The following GRIK2 variants were observed in gnomAD, a reference collection of about 807,000 sequenced individuals.
The protein encoded by GRIK2 is glutamate receptor ionotropic, kainate 2.
In GRIK2, 32 loss-of-function variants were observed where a neutral mutation model predicts 100.3. That is an observed-to-expected ratio of 0.32 (90% confidence interval 0.24 to 0.43). GRIK2 has a LOEUF of 0.43. Among genes scored for constraint, GRIK2 ranks in the 20% least tolerant of loss-of-function variants. The pLI is 1.00. For synonymous variants in GRIK2, 417 were observed against 389.4 expected (o/e 1.07, Z -0.83); for missense variants, 843 against 1,114.9 (o/e 0.76, Z 3.47).
chr6:101,822,817 G>T (rs1172156110), intron 10 of GRIK2, among the ~76,000 whole-genome samples: 1 of 151,926 alleles, frequency 6.6e-6, no homozygotes, highest in Non-Finnish European at 1.5e-5. Flanking sequence ...ACAACTAGAA[G>T]GTGGAGTAGT....
At chr6:101,974,209 A>G (rs1793229644) in intron 14 of GRIK2, among the ~76,000 whole-genome samples, 1 of 151,980 alleles carries the variant, frequency 6.6e-6, no homozygotes, top group South Asian at 2.1e-4. Flanking sequence ...TGAGTATTAT[A>G]AAGTACCAAA....
intron 7 of GRIK2, among the ~76,000 whole-genome samples, chr6:101,757,138 T>C (rs1213845238): frequency 6.6e-6 from 1 of 152,156 alleles, no homozygotes; most frequent in Non-Finnish European, 1.5e-5. Context: ...ATTGATATTA[T>C]ATTATTGGAT....
At position 101,960,048 on chromosome 6, in the gene GRIK2, G is replaced by GTTTT. The variant is rs3029100; in HGVS notation, c.2085+31417_2085+31420dup. Among the ~76,000 whole-genome samples, 676 of 118,116 alleles carry GTTTT rather than the reference G, an allele frequency of 5.7e-3. 32 individuals are homozygous for GTTTT. Among genetic ancestry groups the GTTTT allele is most frequent in the African/African-American group, 0.016 (450 of 27,970 alleles). 77.5% of individuals were successfully genotyped at this position (118,116 alleles called of 152,430 possible). A position where few individuals can be genotyped will look rare whatever the true frequency, so the allele number is the denominator to read the frequency against. On this transcript the variant is annotated intron_variant, in intron 14 of 16. Transcript: ENST00000369134. ...TTATTTCTCAAAGCCTTTTTTTAGT[G>GTTTT]TTTTGTTTTTTTTTTTTTGTCTGAC...
chr6:101,633,760 A>C (rs996800044), intron 4 of GRIK2, among the ~76,000 whole-genome samples: 2 of 152,164 alleles, frequency 1.3e-5, no homozygotes, highest in African/African-American at 4.8e-5. Context: ...CATACACACA[A>C]AGAGCATATC....
chr6:101,885,420 G>T (rs1786545218), intron 11 of GRIK2, among the ~76,000 whole-genome samples: 1 of 152,088 alleles, frequency 6.6e-6, no homozygotes, highest in African/African-American at 2.4e-5. Flanking sequence ...AATGAGCATT[G>T]TTAAGTCATC....
At chr6:101,600,799 G>A (rs1386904830) in intron 2 of GRIK2, among the ~76,000 whole-genome samples, 1 of 151,818 alleles carries the variant, frequency 6.6e-6, no homozygotes, top group Non-Finnish European at 1.5e-5. Flanking sequence ...TCAGTTATAG[G>A]AGCCCTTTGG....
intron 2 of GRIK2, among the ~76,000 whole-genome samples, chr6:101,558,861 A>C (rs887327711): frequency 6.6e-6 from 1 of 152,010 alleles, no homozygotes; most frequent in Non-Finnish European, 1.5e-5. Flanking sequence ...TGAGTGCCAA[A>C]TGTGATTTTT....
chr6:101,450,588 C>A (rs182628638), intron 2 of GRIK2, among the ~76,000 whole-genome samples: 48 of 151,724 alleles, frequency 3.2e-4, no homozygotes, highest in African/African-American at 1.1e-3. Context: ...ATGTATTTTG[C>A]AAGTAACTGG....
intron 4 of GRIK2, among the ~76,000 whole-genome samples, chr6:101,648,900 T>C (rs1204712096): frequency 6.6e-6 from 1 of 152,038 alleles, no homozygotes; most frequent in African/African-American, 2.4e-5. Context: ...AGGAAAGACA[T>C]GTCTTACATG....
intron 2 of GRIK2, among the ~76,000 whole-genome samples, chr6:101,550,938 G>A (rs566365825): frequency 6.6e-6 from 1 of 152,258 alleles, no homozygotes; most frequent in East Asian, 1.9e-4. Context: ...ATTTGGCATA[G>A]AATCATGTAA....
chr6:101,888,553 G>A (rs998005529), intron 11 of GRIK2, among the ~76,000 whole-genome samples: 1 of 151,916 alleles, frequency 6.6e-6, no homozygotes, highest in Non-Finnish European at 1.5e-5. Context: ...TTTCTCCGTA[G>A]CCCCTCTCAA....
chr6:102,038,229 C>A (rs1770375738), intron 15 of GRIK2, among the ~76,000 whole-genome samples: 1 of 151,210 alleles, frequency 6.6e-6, no homozygotes, highest in Non-Finnish European at 1.5e-5. Flanking sequence ...AGAATACATT[C>A]AAAAAATCAG....
intron 2 of GRIK2, among the ~76,000 whole-genome samples, chr6:101,514,452 C>T (rs11756226): frequency 0.13 from 19,041 of 151,920 alleles, 1,382 homozygotes; most frequent in African/African-American, 0.2. Flanking sequence ...GATCCAGAGC[C>T]GAAAGAGGAG....
At chr6:101,397,732 T>C (rs1775068983) in intron 1 of GRIK2, among the ~76,000 whole-genome samples, 1 of 152,180 alleles carries the variant, frequency 6.6e-6, no homozygotes, top group African/African-American at 2.4e-5. Context: ...CACTCCTTAT[T>C]TAAAAATTAG....
chr6:101,518,903 A>C (rs920134404), intron 2 of GRIK2, among the ~76,000 whole-genome samples: 1 of 152,162 alleles, frequency 6.6e-6, no homozygotes, highest in Non-Finnish European at 1.5e-5. Flanking sequence ...GCTTTTTAAG[A>C]CTAAATGCTG....
At chr6:102,026,237 G>A (rs1318146794) in intron 14 of GRIK2, among the ~76,000 whole-genome samples, 3 of 148,442 alleles carry the variant, frequency 2.0e-5, no homozygotes, top group African/African-American at 4.9e-5. Flanking sequence ...AACAAGCAAC[G>A]AGAATAAATT....
At chr6:102,066,974 A>T (rs1041557541) in intron 16 of GRIK2, among the ~76,000 whole-genome samples, 5 of 151,688 alleles carry the variant, frequency 3.3e-5, no homozygotes, top group African/African-American at 1.2e-4. Context: ...AACTAGATAT[A>T]TCAGGATATG....
chr6:101,734,810 A>G (rs1446492579), intron 7 of GRIK2, among the ~76,000 whole-genome samples: 1 of 152,174 alleles, frequency 6.6e-6, no homozygotes, highest in Admixed American at 6.5e-5. Flanking sequence ...AAAGGACATG[A>G]GGAAGTTTGG....
At chr6:101,463,807 G>A (rs1289381552) in intron 2 of GRIK2, among the ~76,000 whole-genome samples, 1 of 151,422 alleles carries the variant, frequency 6.6e-6, no homozygotes. Flanking sequence ...CAATTTTGAG[G>A]AGCACTAGTG....
Sources: allele counts gnomAD v4.1 joint callset (sites outside exome capture counted in the v4.1 genomes callset), GRCh38; gene constraint gnomAD v4.1.1; transcripts MANE v1.5; gene names NCBI Gene and HGNC (gene_info 2026-07-23, HGNC 2026-07-21).